Variants in UCK2 observed in about 807,000 individuals in gnomAD.
UCK2 encodes the protein cytidine monophosphokinase 2.
A neutral mutation model predicts 30.8 loss-of-function variants in UCK2; 6 were observed. The observed-to-expected ratio is 0.19, with a 90% CI of 0.11 to 0.38. The LOEUF is 0.38. UCK2 is among the 10% of genes least tolerant of loss of function. The pLI, the probability that UCK2 is intolerant of heterozygous loss-of-function variation, is 1.00. For synonymous variants in UCK2, 125 were observed against 133.6 expected, an observed-to-expected ratio of 0.94 and a Z score of 0.45; for missense variants, 210 against 339.8, an observed-to-expected ratio of 0.62 and a Z score of 3.00.
chr1:165,836,705 T>C (rs1360665405), intron 1 of UCK2, among the ~76,000 whole-genome samples: 2 of 152,178 alleles, frequency 1.3e-5, no homozygotes, highest in Admixed American at 1.3e-4. Flanking sequence ...TTTTGTAAAG[T>C]GGGAGAAGCC....
intron 3 of UCK2, chr1:165,891,998 C>T (rs73029498): frequency 0.031 from 4,645 of 151,448 alleles, 248 homozygotes; most frequent in African/African-American, 0.11. Context: ...CACACATCTT[C>T]CCATGAGTCT....
In UCK2 at chr1:165,910,865, C is replaced by A. The variant is rs1158462888; in HGVS notation, c.*3042C>A. On this transcript the variant is annotated 3_prime_UTR_variant, in exon 7 of 7. Coordinates refer to ENST00000367879, the MANE Select transcript of UCK2 (RefSeq NM_012474.5). ...CTCCCCGCCTCACTTGGGCTTGGAGCTGGATACTTGTGGCCACGCCCAGGA... is the reference window on the plus strand; with the variant it reads ...CTCCCCGCCTCACTTGGGCTTGGAGATGGATACTTGTGGCCACGCCCAGGA... The A allele has an allele frequency of 6.6e-6, 1 of 152,308 alleles. No individual in the cohort carries two copies. Among genetic ancestry groups the A allele is most frequent in the African/African-American group, 2.4e-5 (1 of 41,460 alleles). The allele number at this position is 152,308 out of a possible 1,614,324, so 9.4% of individuals were successfully genotyped here.
Position 165,827,897 on chromosome 1 carries a change from CT to C in UCK2, c.66del (p.Ile23Ter). The C allele has an allele frequency of 6.8e-7, 1 of 1,467,644 alleles. No homozygotes were observed. The highest frequency in any genetic ancestry group is 1.4e-5 in the South Asian group (1 of 70,860). The allele number at this position is 1,467,644 out of a possible 1,614,324, so 90.9% of individuals were successfully genotyped here. Reference protein sequence around the residue: ...HQQPNGGEPFLIGVSGGTASG... With the variant: ...HQQPNGGEPFXIGVSGGTASG... ...GCAGCCCAACGGCGGCGAGCCCTTC[CT>C]TATAGGCGTCAGCGGGGGAACAGCT... is the stretch of plus-strand genomic sequence containing the variant. On this transcript the variant is annotated frameshift_variant, in exon 1 of 7. Coordinates refer to ENST00000367879, the MANE Select transcript of UCK2 (RefSeq NM_012474.5). LOFTEE classifies it high-confidence loss of function.
intron 3 of UCK2, among the ~76,000 whole-genome samples, chr1:165,892,483 A>G (rs1655795652): frequency 6.6e-6 from 1 of 152,146 alleles, no homozygotes; most frequent in South Asian, 2.1e-4. Context: ...GAGCTTATGG[A>G]CTGTTTGCAA....
chr1:165,883,326 T>G (rs1451614040), intron 1 of UCK2, among the ~76,000 whole-genome samples: 1 of 152,188 alleles, frequency 6.6e-6, no homozygotes, highest in African/African-American at 2.4e-5. Context: ...ATGCAGTCTG[T>G]GTGCCCAGCT....
intron 1 of UCK2, among the ~76,000 whole-genome samples, chr1:165,881,264 C>T (rs1260414971): frequency 3.4e-5 from 5 of 145,262 alleles, no homozygotes; most frequent in African/African-American, 1.3e-4. Flanking sequence ...TCCAGATTTT[C>T]TCTGTCATGT....
Position 165,827,638 on chromosome 1 carries a change from C to T in UCK2, c.-196C>T. 2.5e-6 allele frequency: 1 copy of T among 400,038 alleles called. No homozygotes were observed. Among genetic ancestry groups the T allele is most frequent in the Non-Finnish European group, 4.3e-6 (1 of 231,538 alleles). 24.8% of individuals were successfully genotyped at this position (400,038 alleles called of 1,614,324 possible). On this transcript the variant is annotated 5_prime_UTR_variant, in exon 1 of 7. Coordinates refer to ENST00000367879, the MANE Select transcript of UCK2 (RefSeq NM_012474.5). ...TGTAAACCGGACCAGCCGCTGCGGG[C>T]AAAGGAAGGCTCTTGGCTCCTTCGG...
chr1:165,905,890 A>G (rs2101889760), intron 5 of UCK2, 31 bp from the exon 6 acceptor site: 5 of 1,608,766 alleles, frequency 3.1e-6, no homozygotes, highest in East Asian at 2.2e-5. Flanking sequence ...TCTTAACTGT[A>G]TTAATGCATA....
chr1:165,858,945 T>C (rs1399578221), intron 1 of UCK2, among the ~76,000 whole-genome samples: 1 of 152,170 alleles, frequency 6.6e-6, no homozygotes, highest in Non-Finnish European at 1.5e-5. Context: ...ACATAAGTGT[T>C]GAAAGGGCTG....
chr1:165,889,663 G>A (rs904225791), intron 1 of UCK2, among the ~76,000 whole-genome samples: 2 of 147,204 alleles, frequency 1.4e-5, no homozygotes, highest in Non-Finnish European at 3.0e-5. Flanking sequence ...TCACAGGCGT[G>A]TAAGGCGGAC....
chr1:165,885,117 C>G, intron 1 of UCK2: 1 of 354,090 alleles, frequency 2.8e-6, no homozygotes, highest in Non-Finnish European at 5.1e-6. Context: ...CTCCCTGTCT[C>G]CCTTCCCCTG....
intron 1 of UCK2, among the ~76,000 whole-genome samples, chr1:165,866,500 A>T (rs1217258723): frequency 1.3e-5 from 2 of 152,220 alleles, no homozygotes; most frequent in East Asian, 3.8e-4. Flanking sequence ...GAGGAATAAT[A>T]ATATAAATAG....
chr1:165,892,448 G>A (rs910711383), intron 3 of UCK2, among the ~76,000 whole-genome samples: 1 of 152,200 alleles, frequency 6.6e-6, no homozygotes, highest in African/African-American at 2.4e-5. Context: ...AAACCACCAT[G>A]TCTGGGTTTG....
intron 5 of UCK2, 34 bp from the exon 6 acceptor site, chr1:165,905,887 T>A (rs1478723371): frequency 6.2e-7 from 1 of 1,606,988 alleles, no homozygotes; most frequent in African/African-American, 1.3e-5. Flanking sequence ...GTCTCTTAAC[T>A]GTATTAATGC....
intron 1 of UCK2, among the ~76,000 whole-genome samples, chr1:165,871,694 G>A (rs1289206689): frequency 6.6e-6 from 1 of 151,874 alleles, no homozygotes; most frequent in African/African-American, 2.4e-5. Context: ...GAGGAGTAAG[G>A]AAGACATGAA....
intron 1 of UCK2, among the ~76,000 whole-genome samples, chr1:165,846,925 A>G (rs1020754820): frequency 2.0e-5 from 3 of 152,152 alleles, no homozygotes; most frequent in African/African-American, 7.2e-5. Context: ...GCACCTGTTC[A>G]TATTAAATCT....
At chr1:165,853,468 G>A (rs1654649624) in intron 1 of UCK2, among the ~76,000 whole-genome samples, 1 of 151,092 alleles carries the variant, frequency 6.6e-6, no homozygotes, top group Non-Finnish European at 1.5e-5. Flanking sequence ...GCTAAATCTA[G>A]TGGGTTCTCT....
At chr1:165,855,848 G>A (rs1455253587) in intron 1 of UCK2, among the ~76,000 whole-genome samples, 6 of 152,112 alleles carry the variant, frequency 3.9e-5, no homozygotes, top group African/African-American at 1.4e-4. Flanking sequence ...TGGCCAATGT[G>A]AAACCTTGGG....
intron 1 of UCK2, among the ~76,000 whole-genome samples, chr1:165,861,639 A>C (rs1426954720): frequency 1.4e-5 from 2 of 139,420 alleles, no homozygotes; most frequent in Admixed American, 7.1e-5. Context: ...AAAAAAAAAA[A>C]AAAAAAAAAA....
Sources: allele counts gnomAD v4.1 joint callset (sites outside exome capture counted in the v4.1 genomes callset), GRCh38; gene constraint gnomAD v4.1.1; transcripts MANE v1.5; gene names NCBI Gene and HGNC (gene_info 2026-07-23, HGNC 2026-07-21).